Variants in NEK1 observed in about 807,000 individuals in gnomAD.
NEK1 encodes NIMA related kinase 1.
Under a neutral mutation model 182.1 loss-of-function variants are expected in NEK1, and 137 were observed. The observed-to-expected ratio is 0.75, with a 90% CI of 0.65 to 0.87. The LOEUF (loss-of-function observed/expected upper bound fraction) is 0.87, where lower values mean the gene tolerates loss of function less well. NEK1 is among the 40% of genes least tolerant of loss of function. The pLI is 0.00. For synonymous variants in NEK1, 513 were observed against 492.2 expected (o/e 1.04, Z -0.56); for missense variants, 1,391 against 1,494.4 (o/e 0.93, Z 1.14).
At position 169,571,259 on chromosome 4, in the gene NEK1, C is replaced by T. The variant is rs1237617081; in HGVS notation, c.1020+5669G>A. ...CTTAGCCTGGTTGCGGTGGCTCATA[C>T]CTGTAATCCCAGAACTTTGGGAGGC... is the stretch of plus-strand genomic sequence containing the variant. On this transcript the variant is annotated intron_variant, in intron 12 of 35. Coordinates refer to ENST00000507142, the MANE Select transcript of NEK1 (RefSeq NM_001199397.3). 2.6e-5 allele frequency among the ~76,000 whole-genome samples: 4 copies of T among 152,064 alleles called. No homozygotes were observed. The South Asian group carries it at 8.3e-4, about 32-fold the overall frequency.
chr4:169,591,375 G>C (rs907298076), intron 5 of NEK1, among the ~76,000 whole-genome samples: 1 of 151,880 alleles, frequency 6.6e-6, no homozygotes, highest in Non-Finnish European at 1.5e-5. Flanking sequence ...TAGTGGTCTT[G>C]AACTCCTGGT....
At chr4:169,458,049 A>C (rs1378476118) in intron 27 of NEK1, among the ~76,000 whole-genome samples, 2 of 152,052 alleles carry the variant, frequency 1.3e-5, no homozygotes, top group Admixed American at 1.3e-4. Context: ...GGATACAGAC[A>C]TAATAACTCT....
Position 169,561,755 on chromosome 4 carries a change from A to G in NEK1, c.1141-18T>C. ...CTAATAATCTGTAACAATTTTAAAG[A>G]CAAGCTTCTTACAACTCTTGAACCT... On this transcript the variant is annotated intron_variant, in intron 14 of 35. Coordinates refer to ENST00000507142, the MANE Select transcript of NEK1 (RefSeq NM_001199397.3). The G allele has an allele frequency of 1.9e-6, 3 of 1,589,494 alleles. No individual in the cohort carries two copies. The highest frequency in any genetic ancestry group is 1.7e-4 in the Middle Eastern group (1 of 6,016).
intron 26 of NEK1, among the ~76,000 whole-genome samples, chr4:169,475,882 A>G (rs1746857789): frequency 6.6e-6 from 1 of 152,136 alleles, no homozygotes; most frequent in South Asian, 2.1e-4. Context: ...TTAAAGATAG[A>G]GCAATAGAAA....
At chr4:169,533,675 G>C (rs1158384674) in intron 19 of NEK1, among the ~76,000 whole-genome samples, 1 of 152,120 alleles carries the variant, frequency 6.6e-6, no homozygotes, top group South Asian at 2.1e-4. Flanking sequence ...CAAAACCAAA[G>C]AATATATTCC....
rs1007417497 is a variant in NEK1 at position 169,558,845 on chromosome 4, C to T, written c.1266+2635G>A. Among the ~76,000 whole-genome samples, 9 of 152,100 alleles carry T rather than the reference C, an allele frequency of 5.9e-5. No homozygotes were observed. In the East Asian group the frequency reaches 7.7e-4, roughly 13 times the overall value. On this transcript the variant is annotated intron_variant, in intron 16 of 35. Coordinates refer to ENST00000507142, the MANE Select transcript of NEK1 (RefSeq NM_001199397.3). ...TAAAAATGCCTCTTATTTAGAAGTA[C>T]GTAATAATAGTATTAATTTTGAAAT...
intron 31 of NEK1, among the ~76,000 whole-genome samples, chr4:169,419,062 T>C (rs1258780392): frequency 6.6e-6 from 1 of 152,096 alleles, no homozygotes; most frequent in Non-Finnish European, 1.5e-5. Context: ...TAAACAAACC[T>C]ACCACACTGC....
At chr4:169,592,033 C>T (rs1431756759) in intron 5 of NEK1, among the ~76,000 whole-genome samples, 1 of 148,322 alleles carries the variant, frequency 6.7e-6, no homozygotes, top group African/African-American at 2.5e-5. Context: ...AACTCCCTCA[C>T]AAATTAAAAA....
chr4:169,531,157 T>G (rs1757614237), intron 19 of NEK1, among the ~76,000 whole-genome samples: 1 of 151,970 alleles, frequency 6.6e-6, no homozygotes, highest in South Asian at 2.1e-4. Context: ...CAAGAGAATG[T>G]GGTATCGTGG....
intron 27 of NEK1, among the ~76,000 whole-genome samples, chr4:169,461,288 G>A (rs1743926859): frequency 6.6e-6 from 1 of 151,944 alleles, no homozygotes. Flanking sequence ...TACCTTATGA[G>A]TTATTTGAAA....
chr4:169,571,784 A>G (rs1200566163), intron 12 of NEK1, among the ~76,000 whole-genome samples: 7 of 152,060 alleles, frequency 4.6e-5, no homozygotes, highest in Non-Finnish European at 8.8e-5. Context: ...GCTGGAGGGC[A>G]GTGGCATGAT....
chr4:169,538,777 TC>T (rs1422305225), intron 18 of NEK1, among the ~76,000 whole-genome samples: 1 of 152,162 alleles, frequency 6.6e-6, no homozygotes, highest in East Asian at 1.9e-4. Flanking sequence ...ATAAAGACTT[TC>T]TTTGGGACCA....
At chr4:169,540,241 A>G (rs1759187912) in intron 18 of NEK1, among the ~76,000 whole-genome samples, 2 of 152,154 alleles carry the variant, frequency 1.3e-5, no homozygotes, top group Admixed American at 6.5e-5. Context: ...TATATCTGCC[A>G]AAAGATATAA....
intron 5 of NEK1, among the ~76,000 whole-genome samples, chr4:169,593,782 A>G (rs1351683485): frequency 6.6e-6 from 1 of 152,062 alleles, no homozygotes; most frequent in Non-Finnish European, 1.5e-5. Context: ...AGGTCAGGAG[A>G]TCGAGACCAT....
chr4:169,559,386 T>C (rs1233313291), intron 16 of NEK1, among the ~76,000 whole-genome samples: 1 of 152,172 alleles, frequency 6.6e-6, no homozygotes, highest in African/African-American at 2.4e-5. Context: ...TTCCTGATCA[T>C]TCAGGAGGTA....
chr4:169,570,533 A>C (rs1305039117), intron 12 of NEK1, among the ~76,000 whole-genome samples: 5 of 129,948 alleles, frequency 3.8e-5, no homozygotes, highest in Non-Finnish European at 8.2e-5. Context: ...CCCGGCCAGC[A>C]TACCCGTCCG....
chr4:169,450,968 A>G (rs952744737), intron 27 of NEK1, among the ~76,000 whole-genome samples: 1 of 152,230 alleles, frequency 6.6e-6, no homozygotes, highest in African/African-American at 2.4e-5. Context: ...AAAGCAAAAA[A>G]AAGCGGGGGT....
At chr4:169,465,499 A>T (rs1356617005) in intron 26 of NEK1, among the ~76,000 whole-genome samples, 1 of 152,112 alleles carries the variant, frequency 6.6e-6, no homozygotes, top group African/African-American at 2.4e-5. Context: ...GGAAAATTGT[A>T]AAAAGCCCCT....
intron 19 of NEK1, among the ~76,000 whole-genome samples, chr4:169,514,270 G>C (rs530794450): frequency 9.4e-4 from 143 of 152,228 alleles, no homozygotes; most frequent in African/African-American, 3.3e-3. Flanking sequence ...TTACAGGCGT[G>C]AGCCACCGCA....
Sources: gnomAD v4.1 joint callset for allele counts (sites outside exome capture counted in the v4.1 genomes callset) on GRCh38, gnomAD v4.1.1 for gene constraint, MANE v1.5 for transcripts, NCBI Gene and HGNC (gene_info 2026-07-23, HGNC 2026-07-21) for gene names.